Variants in IPMK observed in about 807,000 individuals in gnomAD.
IPMK encodes the protein inositol polyphosphate multikinase.
IPMK carries 17 observed loss-of-function variants against 45.8 expected under a neutral mutation model. That is an observed-to-expected ratio of 0.37 (90% CI 0.25 to 0.56). The LOEUF is 0.56. Among genes scored for constraint, IPMK ranks in the 20% least tolerant of loss-of-function variants. The pLI is 0.79. For synonymous variants in IPMK, 180 were observed against 184.3 expected, an observed-to-expected ratio of 0.98 and a Z score of 0.19; for missense variants, 399 against 498.0, an observed-to-expected ratio of 0.80 and a Z score of 1.89.
At chr10:58,250,526 T>C (rs1305176610) in intron 1 of IPMK, among the ~76,000 whole-genome samples, 1 of 152,198 alleles carries the variant, frequency 6.6e-6, no homozygotes, top group Non-Finnish European at 1.5e-5. Flanking sequence ...ATGTTGACTT[T>C]GTATCTTGCA....
intron 4 of IPMK, among the ~76,000 whole-genome samples, chr10:58,214,997 A>T (rs556105956): frequency 1.2e-4 from 19 of 152,200 alleles, no homozygotes; most frequent in Non-Finnish European, 2.8e-4. Flanking sequence ...ATTTTGCCCT[A>T]TAGAATTTCA....
intron 2 of IPMK, among the ~76,000 whole-genome samples, chr10:58,236,282 C>A (rs1838611637): frequency 1.3e-5 from 2 of 152,010 alleles, no homozygotes; most frequent in South Asian, 4.2e-4. Context: ...TACGAAAAGG[C>A]TCCTGGACAC....
intron 4 of IPMK, 38 bp downstream of exon 4, chr10:58,216,107 C>T (rs1838241113): frequency 2.3e-6 from 3 of 1,306,796 alleles, no homozygotes; most frequent in South Asian, 3.7e-5. Context: ...AGAACATGTA[C>T]AGAGAAATGT....
chr10:58,247,577 T>G (rs1267879319), intron 1 of IPMK, among the ~76,000 whole-genome samples: 2 of 151,532 alleles, frequency 1.3e-5, no homozygotes, highest in Non-Finnish European at 2.9e-5. Flanking sequence ...ACACCACATA[T>G]TCTTACTCAT....
intron 5 of IPMK, 70 bp from the exon 6 acceptor site, chr10:58,196,768 C>A: frequency 9.5e-7 from 1 of 1,055,614 alleles, no homozygotes; most frequent in Non-Finnish European, 1.4e-6. Flanking sequence ...GTAAACTCAT[C>A]ACAGAATTCT....
intron 1 of IPMK, among the ~76,000 whole-genome samples, chr10:58,257,425 G>A (rs1042957219): frequency 6.6e-6 from 1 of 152,154 alleles, no homozygotes; most frequent in African/African-American, 2.4e-5. Flanking sequence ...AACTTGGGGG[G>A]CAGAGGTTGC....
chr10:58,240,099 G>A (rs1301668005), intron 1 of IPMK, among the ~76,000 whole-genome samples: 1 of 152,144 alleles, frequency 6.6e-6, no homozygotes, highest in East Asian at 1.9e-4. Context: ...CCAAGTCATT[G>A]TAATTAGCAA....
chr10:58,250,744 GTCT>G (rs895293132), intron 1 of IPMK, among the ~76,000 whole-genome samples: 7 of 152,092 alleles, frequency 4.6e-5, no homozygotes, highest in African/African-American at 9.7e-5. Flanking sequence ...GAGCATCCTT[GTCT>G]TCTTCTAAGA....
rs1837864538 is a variant in IPMK, at chr10:58,194,584, G to T, written c.*1492C>A. 6.6e-6 allele frequency: 1 copy of T among 151,956 alleles called. No individual in the cohort carries two copies. The highest frequency in any genetic ancestry group is 1.9e-4 in the East Asian group (1 of 5,180). The allele number at this position is 151,956 out of a possible 1,614,324, so 9.4% of individuals were successfully genotyped here. A position where few individuals can be genotyped will look rare whatever the true frequency, so the allele number is the denominator to read the frequency against. ...TATTTGCAAAGTGCCCTCAGAGAAGGCTGAGAAGGTAAAATAAACATAAAA... is the reference window on the plus strand; with the variant it reads ...TATTTGCAAAGTGCCCTCAGAGAAGTCTGAGAAGGTAAAATAAACATAAAA... On this transcript the variant is annotated 3_prime_UTR_variant, in exon 6 of 6. Transcript: ENST00000373935.
At chr10:58,237,157 T>G (rs1345066862) in intron 2 of IPMK, among the ~76,000 whole-genome samples, 1 of 152,174 alleles carries the variant, frequency 6.6e-6, no homozygotes, top group Non-Finnish European at 1.5e-5. Context: ...GAGGCTGACT[T>G]GAATCAACTG....
intron 1 of IPMK, among the ~76,000 whole-genome samples, chr10:58,256,809 T>C (rs534028374): frequency 1.8e-4 from 27 of 152,294 alleles, no homozygotes; most frequent in African/African-American, 5.5e-4. Context: ...TGTTGAAATA[T>C]TGGGGGCTGG....
intron 3 of IPMK, among the ~76,000 whole-genome samples, chr10:58,226,158 G>A (rs1838412756): frequency 6.6e-6 from 1 of 152,096 alleles, no homozygotes; most frequent in Non-Finnish European, 1.5e-5. Flanking sequence ...AGATACCAGG[G>A]TTCCCTATTA....
intron 2 of IPMK, among the ~76,000 whole-genome samples, chr10:58,234,263 T>TCA (rs748355498): frequency 9.9e-5 from 15 of 152,110 alleles, no homozygotes; most frequent in Non-Finnish European, 1.8e-4. Flanking sequence ...AGATTCAATG[T>TCA]CATCCTCATC....
At chr10:58,200,371 A>G (rs894436411) in intron 4 of IPMK, among the ~76,000 whole-genome samples, 3 of 152,128 alleles carry the variant, frequency 2.0e-5, no homozygotes, top group African/African-American at 7.2e-5. Context: ...CACCCGCCTC[A>G]GCCTCTCAAA....
rs79588574 is a variant in IPMK at position 58,218,127 on chromosome 10, C to T, written c.374-1810G>A. 6.4e-3 allele frequency among the ~76,000 whole-genome samples: 969 copies of T among 152,150 alleles called. 14 individuals are homozygous for T. Among genetic ancestry groups the T allele is most frequent in the African/African-American group, 0.021 (885 of 41,512 alleles). ...TCTGTAGAACTAAGTGAAGTTAAGCCCAAATATGACAAAAAAGTTACTGCA... is the reference window on the plus strand; with the variant it reads ...TCTGTAGAACTAAGTGAAGTTAAGCTCAAATATGACAAAAAAGTTACTGCA... On this transcript the variant is annotated intron_variant, in intron 3 of 5. Transcript: ENST00000373935.
chr10:58,217,688 C>CAAAAAAAAAAAAAAAAAAAAAAAAAAAAA (rs11393849), intron 3 of IPMK, among the ~76,000 whole-genome samples: 1 of 49,266 alleles, frequency 2.0e-5, no homozygotes, highest in Non-Finnish European at 3.6e-5. Context: ...AACTCCATCT[C>CAAAAAAAAAAAAAAAAAAAAAAAAAAAAA]AAAAAAAAAA....
chr10:58,253,501 G>T (rs1385023100), intron 1 of IPMK, among the ~76,000 whole-genome samples: 8 of 152,092 alleles, frequency 5.3e-5, no homozygotes, highest in African/African-American at 1.7e-4. Context: ...GGACGAAGCA[G>T]GCAGACTGCC....
chr10:58,201,124 G>C (rs185786168), intron 4 of IPMK, among the ~76,000 whole-genome samples: 8 of 152,226 alleles, frequency 5.3e-5, no homozygotes. Flanking sequence ...TGCAGTATTT[G>C]CATGTTTAAA....
chr10:58,208,807 G>A (rs1838110922), intron 4 of IPMK, among the ~76,000 whole-genome samples: 1 of 151,420 alleles, frequency 6.6e-6, no homozygotes, highest in Non-Finnish European at 1.5e-5. Context: ...CAGGCCCATA[G>A]AGGGGGTATC....
Sources: allele counts gnomAD v4.1 joint callset (sites outside exome capture counted in the v4.1 genomes callset), GRCh38; gene constraint gnomAD v4.1.1; transcripts MANE v1.5; gene names NCBI Gene and HGNC (gene_info 2026-07-23, HGNC 2026-07-21).